The following IFT122 variants were observed in gnomAD, a reference collection of about 807,000 sequenced individuals.
IFT122 encodes intraflagellar transport protein 122 homolog.
IFT122 carries 118 observed loss-of-function variants against 161.6 expected under a neutral mutation model. The ratio of observed to expected loss-of-function variants is 0.73; its 90% confidence interval spans 0.63 to 0.85. The LOEUF is 0.85. Ranked by LOEUF, IFT122 falls within the 40% of genes least tolerant of loss-of-function variation. The pLI is 0.00. For missense variants in IFT122, 1,381 were observed against 1,579.6 expected (o/e 0.87, Z 2.13); for synonymous variants, 550 against 602.4 (o/e 0.91, Z 1.27).
intron 12 of IFT122, 95 bp downstream of exon 12, chr3:129,478,313 C>T: frequency 9.9e-7 from 1 of 1,014,546 alleles, no homozygotes; most frequent in Admixed American, 1.9e-5. Context: ...AAACTGGTCA[C>T]TAGAAAACAA....
At chr3:129,457,222 A>G (rs1472810714) in intron 3 of IFT122, among the ~76,000 whole-genome samples, 1 of 152,204 alleles carries the variant, frequency 6.6e-6, no homozygotes, top group Non-Finnish European at 1.5e-5. Context: ...TTAATAACAA[A>G]TTACTTGTTA....
chr3:129,467,627 C>T (rs1198356353), intron 8 of IFT122, among the ~76,000 whole-genome samples: 1 of 152,192 alleles, frequency 6.6e-6, no homozygotes, highest in Non-Finnish European at 1.5e-5. Flanking sequence ...CTTACCTTAG[C>T]CACAGTCTTC....
intron 17 of IFT122, among the ~76,000 whole-genome samples, chr3:129,494,909 G>T (rs1332035228): frequency 6.6e-6 from 1 of 152,182 alleles, no homozygotes; most frequent in African/African-American, 2.4e-5. Context: ...GGCCATGTGT[G>T]TATAAAGTAT....
Position 129,507,592 on chromosome 3 carries a change from C to T in IFT122, c.2792-76C>T, listed in dbSNP as rs572036055. 3.5e-5 allele frequency: 38 copies of T among 1,099,474 alleles called. No homozygotes were observed. The African/African-American group carries it at 5.5e-4, about 16-fold the overall frequency. 68.1% of individuals were successfully genotyped at this position (1,099,474 alleles called of 1,614,324 possible). On this transcript the variant is annotated intron_variant, in intron 22 of 29. Coordinates refer to ENST00000348417, the MANE Select transcript of IFT122 (RefSeq NM_052989.3). Reference sequence around the variant, plus strand: ...TGCTGGGAAAAGTACTGTTGCCTGGCCCCTCCTCCTGGGGCCAGTTGGCAG... The same window carrying T: ...TGCTGGGAAAAGTACTGTTGCCTGGTCCCTCCTCCTGGGGCCAGTTGGCAG...
At chr3:129,519,843 C>G in intron 29 of IFT122, 111 bp downstream of exon 29, 1 of 1,290,586 alleles carries the variant, frequency 7.7e-7, no homozygotes, top group Non-Finnish European at 1.1e-6. Flanking sequence ...TCCATGGCTC[C>G]AAGTTGGGAC....
chr3:129,464,841 C>T, intron 7 of IFT122, 60 bp downstream of exon 7: 1 of 1,568,920 alleles, frequency 6.4e-7, no homozygotes, highest in African/African-American at 1.4e-5. Context: ...GGCTTTTTGT[C>T]TTCCTGAGGT....
chr3:129,496,227 G>T (rs1417692942), intron 18 of IFT122, among the ~76,000 whole-genome samples: 2 of 152,052 alleles, frequency 1.3e-5, no homozygotes, highest in Admixed American at 6.5e-5. Flanking sequence ...TTACTCCCCA[G>T]CAGAGCTGGG....
intron 15 of IFT122, 179 bp from the exon 16 acceptor site, chr3:129,488,078 A>G: frequency 2.2e-6 from 2 of 895,288 alleles, no homozygotes; most frequent in East Asian, 2.6e-5. Context: ...AGAGAGGTGC[A>G]GGATGGAGCA....
At chr3:129,472,332 AAT>A (rs1491542583) in intron 9 of IFT122, among the ~76,000 whole-genome samples, 8 of 151,486 alleles carry the variant, frequency 5.3e-5, no homozygotes, top group African/African-American at 1.9e-4. Flanking sequence ...TAAAAAAAAA[AAT>A]TTTTTTTTTT....
intron 5 of IFT122, chr3:129,463,235 C>T: frequency 2.9e-6 from 1 of 348,636 alleles, no homozygotes; most frequent in Admixed American, 4.1e-5. Context: ...TGTTTTATCG[C>T]ATGTGTAGAT....
At chr3:129,465,863 C>A (rs1463782491) in intron 7 of IFT122, among the ~76,000 whole-genome samples, 1 of 136,426 alleles carries the variant, frequency 7.3e-6, no homozygotes, top group Non-Finnish European at 1.5e-5. Context: ...AGGATGGTCT[C>A]GATCTCCTGA....
chr3:129,492,877 G>A (rs2080317278), intron 17 of IFT122, among the ~76,000 whole-genome samples: 1 of 147,168 alleles, frequency 6.8e-6, no homozygotes, highest in African/African-American at 2.5e-5. Flanking sequence ...CAAGCGCAGT[G>A]GCACGATCAC....
intron 15 of IFT122, among the ~76,000 whole-genome samples, chr3:129,486,267 A>G (rs994454823): frequency 6.6e-6 from 1 of 152,142 alleles, no homozygotes; most frequent in Non-Finnish European, 1.5e-5. Flanking sequence ...TGGTTCGGGG[A>G]AGGAGCACCA....
chr3:129,457,732 G>GTTTT (rs971386664), intron 3 of IFT122, among the ~76,000 whole-genome samples: 41 of 119,606 alleles, frequency 3.4e-4, no homozygotes, highest in African/African-American at 6.0e-4. Context: ...CACAGGAATA[G>GTTTT]TTTTTTTTTT....
At chr3:129,518,683 G>C (rs2084326092) in intron 27 of IFT122, among the ~76,000 whole-genome samples, 1 of 152,166 alleles carries the variant, frequency 6.6e-6, no homozygotes, top group Non-Finnish European at 1.5e-5. Context: ...ACCACTGTGG[G>C]AGAGGGGCGG....
rs759436069 is a variant in IFT122 at position 129,517,470 on chromosome 3, C to A, written c.3267C>A (p.Asp1089Glu). 6.2e-7 allele frequency: 1 copy of A among 1,613,526 alleles called. No individual in the cohort carries two copies. Among genetic ancestry groups the A allele is most frequent in the Non-Finnish European group, 8.5e-7 (1 of 1,179,622 alleles). ...CAGCCCTTTCTCTATGCCCTCCAGACGTGCTACACCTGGTTGAGTTCTACC... is the reference window on the plus strand; with the variant it reads ...CAGCCCTTTCTCTATGCCCTCCAGAAGTGCTACACCTGGTTGAGTTCTACC... The part of the protein sequence containing the change: ...QPFIFSASSY[D>E]VLHLVEFYLE... Residue 1089 changes from aspartate to glutamate, a missense_variant and splice_region_variant, in exon 27 of 30, where the codon GAC (aspartate) becomes GAA (glutamate). Asp to Glu is a conservative substitution (Grantham distance 45). Around this residue, in one of 7 missense-constraint regions of IFT122, gnomAD observed 177 missense variants for 199.2 expected, o/e 0.89. Coordinates refer to ENST00000348417, the MANE Select transcript of IFT122 (RefSeq NM_052989.3).
chr3:129,469,581 TTTA>T (rs771246783), intron 9 of IFT122, among the ~76,000 whole-genome samples, 164 bp downstream of exon 9: 66 of 152,318 alleles, frequency 4.3e-4, no homozygotes, highest in Non-Finnish European at 7.4e-4. Context: ...TTTATCCTAT[TTTA>T]TTCTTATAAA....
rs562037136 is a variant in IFT122, at chr3:129,517,301, C to G, written c.3266-168C>G. 8.7e-4 allele frequency among the ~76,000 whole-genome samples: 109 copies of G among 125,458 alleles called. No individual in the cohort carries two copies. In the East Asian group the frequency reaches 0.01, roughly 12 times the overall value. The allele number at this position is 125,458 out of a possible 152,430, so 82.3% of individuals were successfully genotyped here. ...ACACACACACACACACACACACACA[C>G]AGAGACTGCTCCTGCACACACATAC... is the stretch of plus-strand genomic sequence containing the variant. On this transcript the variant is annotated intron_variant, in intron 26 of 29. Transcript: ENST00000348417.
intron 20 of IFT122, chr3:129,503,988 C>T (rs2081919873): frequency 5.5e-6 from 2 of 366,678 alleles, no homozygotes; most frequent in Admixed American, 4.0e-5. Context: ...GTGTCGCCCG[C>T]AATTAAAAGA....
Sources: allele counts gnomAD v4.1 joint callset (sites outside exome capture counted in the v4.1 genomes callset), GRCh38; gene constraint gnomAD v4.1.1; regional missense constraint gnomAD v4.1.1; transcripts MANE v1.5; gene names NCBI Gene and HGNC (gene_info 2026-07-23, HGNC 2026-07-21).